Variants in NLRP8 observed in about 807,000 individuals in gnomAD.
The protein encoded by NLRP8 is NLR family pyrin domain containing 8, also known as NACHT, LRR and PYD domains-containing protein 8.
Under a neutral mutation model 88.7 loss-of-function variants are expected in NLRP8, and 86 were observed. The observed-to-expected ratio is 0.97, with a 90% CI of 0.81 to 1.16. The LOEUF is 1.16. Among genes scored for constraint, NLRP8 ranks in the 50% most tolerant of loss-of-function variants. The pLI is 0.00. For missense variants in NLRP8, 1,342 were observed against 1,286.5 expected (o/e 1.04, Z -0.66); for synonymous variants, 504 against 494.6 (o/e 1.02, Z -0.25).
chr19:55,955,803 G>A lies in NLRP8; in HGVS notation c.1745G>A (p.Gly582Asp), dbSNP rs1600299410. The change falls in exon 3 of 10, where the codon GGT becomes GAT. Residue 582 changes from glycine to aspartate, a missense_variant. By Grantham distance (94) the Gly-to-Asp change is moderately conservative. Transcript: ENST00000291971. ...TCATTCCAATGCAAGGTGTCTTTCG[G>A]TAATAAGAGGAAACTGCTGAAAGTC... 1.9e-6 allele frequency: 3 copies of A among 1,614,044 alleles called. No homozygotes were observed. The highest frequency in any genetic ancestry group is 1.7e-5 in the Admixed American group (1 of 60,006).
At chr19:55,972,506 T>C (rs1188690224) in intron 6 of NLRP8, among the ~76,000 whole-genome samples, 1 of 151,982 alleles carries the variant, frequency 6.6e-6, no homozygotes, top group African/African-American at 2.4e-5. Context: ...CGTGGTGATT[T>C]CTGGGATTTT....
intron 8 of NLRP8, among the ~76,000 whole-genome samples, chr19:55,976,702 A>G (rs1980344207): frequency 6.6e-6 from 1 of 150,968 alleles, no homozygotes; most frequent in Non-Finnish European, 1.5e-5. Context: ...ATATACACAT[A>G]TATGTATATA....
At chr19:55,977,057 G>A (rs1238709707) in intron 8 of NLRP8, among the ~76,000 whole-genome samples, 27 of 146,382 alleles carry the variant, frequency 1.8e-4, no homozygotes, top group African/African-American at 6.8e-4. Flanking sequence ...TCCAGCCTGG[G>A]CCACAGAGTG....
intron 2 of NLRP8, among the ~76,000 whole-genome samples, 193 bp downstream of exon 2, chr19:55,952,805 A>G (rs1461593196): frequency 1.3e-5 from 2 of 152,214 alleles, no homozygotes; most frequent in African/African-American, 4.8e-5. Flanking sequence ...AGTTGCCTGT[A>G]GTCCCAGCTA....
intron 3 of NLRP8, among the ~76,000 whole-genome samples, chr19:55,960,436 G>A (rs1568461936): frequency 6.6e-6 from 1 of 152,132 alleles, no homozygotes; most frequent in Non-Finnish European, 1.5e-5. Context: ...TTAGGGAGGG[G>A]AATAAACACC....
intron 4 of NLRP8, among the ~76,000 whole-genome samples, chr19:55,964,765 A>AT (rs748676441): frequency 4.6e-5 from 7 of 151,642 alleles, no homozygotes; most frequent in Non-Finnish European, 1.0e-4. Context: ...AAAAAAAAAA[A>AT]GAAAAAAAGA....
chr19:55,986,463 C>G lies in NLRP8; in HGVS notation c.3048-1351C>G, dbSNP rs911004620. Among the ~76,000 whole-genome samples the G allele has an allele frequency of 3.4e-4, 18 of 52,218 alleles. 1 individual carries two copies. The highest frequency in any genetic ancestry group is 1.2e-3 in the African/African-American group (16 of 12,994). 34.3% of individuals were successfully genotyped at this position (52,218 alleles called of 152,430 possible). ...ATGCACTCTCTCTCTCACACACACA[C>G]TCTCTCACATACACACACACACACA... On this transcript the variant is annotated intron_variant, in intron 9 of 9. Coordinates refer to ENST00000291971, the MANE Select transcript of NLRP8 (RefSeq NM_176811.2).
rs1979257271 is a variant in NLRP8 at position 55,954,792 on chromosome 19, G to A, written c.734G>A (p.Cys245Tyr). 6.2e-7 allele frequency: 1 copy of A among 1,614,066 alleles called. No homozygotes were observed. The highest frequency in any genetic ancestry group is 1.7e-5 in the Admixed American group (1 of 60,004). Reference sequence around the variant, plus strand: ...CGCTGGTGTGCTTTCTACTTCCATTGCCAAGAGGTGAACCAGACGACAGAC... The same window carrying A: ...CGCTGGTGTGCTTTCTACTTCCATTACCAAGAGGTGAACCAGACGACAGAC... The change falls in exon 3 of 10, where the codon TGC becomes TAC. Residue 245 changes from cysteine (C) to tyrosine (Y), a missense_variant. Coordinates refer to ENST00000291971, the MANE Select transcript of NLRP8 (RefSeq NM_176811.2).
chr19:55,987,733 A>G (rs761358685), intron 9 of NLRP8: 7 of 1,018,522 alleles, frequency 6.9e-6, no homozygotes, highest in Non-Finnish European at 1.1e-5. Flanking sequence ...GAAAAAGCAT[A>G]GAGACAAAAT....
chr19:55,960,457 G>A (rs1232339360), intron 3 of NLRP8, among the ~76,000 whole-genome samples: 1 of 152,168 alleles, frequency 6.6e-6, no homozygotes, highest in Non-Finnish European at 1.5e-5. Context: ...AGAGCTTGTT[G>A]TTCAACTTGG....
intron 9 of NLRP8, among the ~76,000 whole-genome samples, chr19:55,986,479 C>CACACACACACACATACACACACACACAT (rs1555759179): frequency 7.2e-6 from 1 of 139,380 alleles, no homozygotes; most frequent in Non-Finnish European, 1.6e-5. Flanking sequence ...CACATACACA[C>CACACACACACACATACACACACACACAT]ACACACACAC....
intron 4 of NLRP8, among the ~76,000 whole-genome samples, chr19:55,963,425 C>T (rs117699914): frequency 0.018 from 2,815 of 152,314 alleles, 49 homozygotes; most frequent in Middle Eastern, 0.031. Context: ...AGCTCGTCTT[C>T]CCCAACACTC....
intron 5 of NLRP8, among the ~76,000 whole-genome samples, chr19:55,966,740 C>T (rs541453964): frequency 8.5e-5 from 13 of 152,088 alleles, no homozygotes; most frequent in Admixed American, 5.9e-4. Flanking sequence ...TGCTTCAGCC[C>T]GGTAGGTGGT....
At position 55,962,188 on chromosome 19, in the gene NLRP8, G is replaced by C; in HGVS notation, c.2164G>C (p.Ala722Pro). The change falls in exon 4 of 10, where the codon GCT (alanine) becomes CCT (proline). Residue 722 changes from alanine to proline, a missense_variant. Ala to Pro is a conservative substitution (Grantham distance 27). Coordinates refer to ENST00000291971, the MANE Select transcript of NLRP8 (RefSeq NM_176811.2). The stretch of plus-strand genomic sequence containing the variant: ...TGTTTTGGGGCCTCCTTTTTTGAAG[G>C]CTCTCGCGGCCGCACTGAGGCACCC... 2 of 1,614,096 alleles carry C rather than the reference G, an allele frequency of 1.2e-6. No individual in the cohort carries two copies. The highest frequency in any genetic ancestry group is 1.7e-6 in the Non-Finnish European group (2 of 1,180,014).
Position 55,962,174 on chromosome 19 carries a change from C to A in NLRP8, c.2150C>A (p.Pro717His), listed in dbSNP as rs755577920. ...ACTATGACCAACAGTGTTTTGGGGC[C>A]TCCTTTTTTGAAGGCTCTCGCGGCC... Residue 717 changes from proline to histidine, a missense_variant, in exon 4 of 10, where the codon CCT (proline) becomes CAT (histidine). Pro to His is a moderately conservative substitution (Grantham distance 77). Coordinates refer to ENST00000291971, the MANE Select transcript of NLRP8 (RefSeq NM_176811.2). The A allele has an allele frequency of 5.0e-6, 8 of 1,614,052 alleles. No individual in the cohort carries two copies. The African/African-American group carries it at 1.1e-4, about 22-fold the overall frequency.
rs1290807302 is a variant in NLRP8, at chr19:55,955,113, T to C, written c.1055T>C (p.Val352Ala). Residue 352 changes from valine (V) to alanine (A), a missense_variant, in exon 3 of 10, where the codon GTA becomes GCA. Transcript: ENST00000291971. ...CCCTTGCTGAAATGTCCCTCTCTCG[T>C]AACCCTTCCGGGGTTTAATACGATG... The C allele has an allele frequency of 1.2e-6, 2 of 1,614,136 alleles. No homozygotes were observed. Among genetic ancestry groups the C allele is most frequent in the Non-Finnish European group, 1.7e-6 (2 of 1,179,990 alleles).
At chr19:55,957,677 ATAT>A (rs1486670895) in intron 3 of NLRP8, among the ~76,000 whole-genome samples, 684 of 11,908 alleles carry the variant, frequency 0.057, 33 homozygotes, top group Middle Eastern at 0.11. Context: ...TAATAATTAT[ATAT>A]ATATATATAT....
rs1315288667 is a variant in NLRP8, at chr19:55,976,188, T to C, written c.2761T>C (p.Cys921Arg). 1.9e-6 allele frequency: 3 copies of C among 1,613,742 alleles called. No individual in the cohort carries two copies. Among genetic ancestry groups the C allele is most frequent in the Non-Finnish European group, 2.5e-6 (3 of 1,179,952 alleles). Residue 921 changes from cysteine to arginine, a missense_variant, in exon 8 of 10, where the codon TGT becomes CGT. By Grantham distance (180) the Cys-to-Arg change is radical. Coordinates refer to ENST00000291971, the MANE Select transcript of NLRP8 (RefSeq NM_176811.2). Reference sequence around the variant, plus strand: ...CTGTCAGGATATGATCTCTGCGCTCTGTAAAAATAAAACCCTGAAAAGTCT... The same window carrying C: ...CTGTCAGGATATGATCTCTGCGCTCCGTAAAAATAAAACCCTGAAAAGTCT...
chr19:55,955,121 C>T lies in NLRP8; in HGVS notation c.1063C>T (p.Pro355Ser), dbSNP rs1979279178. 4.3e-6 allele frequency: 7 copies of T among 1,613,986 alleles called. No homozygotes were observed. Among genetic ancestry groups the T allele is most frequent in the South Asian group, 3.3e-5 (3 of 91,086 alleles). Residue 355 changes from proline (P) to serine (S), a missense_variant, in exon 3 of 10, where the codon CCG becomes TCG. Coordinates refer to ENST00000291971, the MANE Select transcript of NLRP8 (RefSeq NM_176811.2). The stretch of plus-strand genomic sequence containing the variant: ...GAAATGTCCCTCTCTCGTAACCCTT[C>T]CGGGGTTTAATACGATGGAAAAAAT...
Sources: gnomAD v4.1 joint callset for allele counts (sites outside exome capture counted in the v4.1 genomes callset) on GRCh38, gnomAD v4.1.1 for gene constraint, MANE v1.5 for transcripts, NCBI Gene and HGNC (gene_info 2026-07-23, HGNC 2026-07-21) for gene names.